The following LPP variants were observed in gnomAD, a reference collection of about 807,000 sequenced individuals.
LPP encodes the protein lipoma-preferred partner.
LPP carries 38 observed loss-of-function variants against 60.4 expected under a neutral mutation model. The observed-to-expected ratio is 0.63, with a 90% CI of 0.49 to 0.83. The LOEUF is 0.83. LPP is among the 40% of genes least tolerant of loss of function. The pLI, the probability that LPP is intolerant of heterozygous loss-of-function variation, is 0.00. For synonymous variants in LPP, 328 were observed against 290.8 expected, an observed-to-expected ratio of 1.13 and a Z score of -1.30; for missense variants, 902 against 783.6, an observed-to-expected ratio of 1.15 and a Z score of -1.80.
intron 3 of LPP, among the ~76,000 whole-genome samples, chr3:188,378,689 G>A (rs1042971425): frequency 2.0e-4 from 30 of 152,198 alleles, no homozygotes; most frequent in Admixed American, 1.4e-3. Flanking sequence ...ACCCTGCTTC[G>A]GCTCGTGCAC....
At chr3:188,535,430 C>A (rs1471597828) in intron 6 of LPP, among the ~76,000 whole-genome samples, 1 of 152,238 alleles carries the variant, frequency 6.6e-6, no homozygotes, top group South Asian at 2.1e-4. Flanking sequence ...GAGAGGCATA[C>A]AAATTTATTT....
At chr3:188,478,125 T>C (rs58396308) in intron 4 of LPP, among the ~76,000 whole-genome samples, 1 of 152,338 alleles carries the variant, frequency 6.6e-6, no homozygotes, top group African/African-American at 2.4e-5. Context: ...CTTTGTTTTA[T>C]CCTCTCACTT....
chr3:188,304,708 A>G (rs1015242875), intron 2 of LPP, among the ~76,000 whole-genome samples: 1 of 152,142 alleles, frequency 6.6e-6, no homozygotes, highest in African/African-American at 2.4e-5. Flanking sequence ...AAATATCTTG[A>G]GCATCTTTTC....
At chr3:188,782,116 A>C (rs548702503) in intron 9 of LPP, among the ~76,000 whole-genome samples, 123 of 152,276 alleles carry the variant, frequency 8.1e-4, no homozygotes, top group Non-Finnish European at 1.5e-3. Flanking sequence ...TTCTTGAAAG[A>C]GTATCATAGT....
At chr3:188,592,132 C>T (rs947221289) in intron 6 of LPP, among the ~76,000 whole-genome samples, 1 of 152,106 alleles carries the variant, frequency 6.6e-6, no homozygotes, top group African/African-American at 2.4e-5. Context: ...TTTGATTTTG[C>T]AACTAAATAT....
At chr3:188,589,045 C>T (rs886689219) in intron 6 of LPP, among the ~76,000 whole-genome samples, 17 of 152,074 alleles carry the variant, frequency 1.1e-4, no homozygotes, top group African/African-American at 3.9e-4. Flanking sequence ...TGATAAATTT[C>T]TCCCTACTAC....
At chr3:188,766,134 G>A (rs1734038520) in intron 9 of LPP, among the ~76,000 whole-genome samples, 2 of 151,728 alleles carry the variant, frequency 1.3e-5, no homozygotes, top group South Asian at 4.2e-4. Flanking sequence ...GCCTCCCAAA[G>A]TGCTTGGATT....
intron 1 of LPP, among the ~76,000 whole-genome samples, chr3:188,200,218 A>G (rs1380365741): frequency 6.6e-6 from 1 of 152,022 alleles, no homozygotes; most frequent in African/African-American, 2.4e-5. Context: ...AAAGTTATTG[A>G]AAAGACTGGA....
intron 6 of LPP, among the ~76,000 whole-genome samples, chr3:188,604,969 G>A (rs1056446687): frequency 6.6e-6 from 1 of 152,110 alleles, no homozygotes; most frequent in African/African-American, 2.4e-5. Flanking sequence ...CAATGGAGAA[G>A]TGCATTGGTG....
chr3:188,378,791 T>C (rs1379990545), intron 3 of LPP, among the ~76,000 whole-genome samples: 3 of 152,192 alleles, frequency 2.0e-5, no homozygotes, highest in African/African-American at 7.2e-5. Context: ...AAATCACCCA[T>C]CTTCTGCGTC....
At chr3:188,159,382 G>C (rs1021311848) in intron 1 of LPP, among the ~76,000 whole-genome samples, 1 of 152,164 alleles carries the variant, frequency 6.6e-6, no homozygotes, top group Non-Finnish European at 1.5e-5. Context: ...TGTGTTGTGA[G>C]AGGAGACAGA....
intron 2 of LPP, among the ~76,000 whole-genome samples, chr3:188,257,629 T>C (rs1415372100): frequency 1.3e-5 from 2 of 152,216 alleles, no homozygotes; most frequent in African/African-American, 4.8e-5. Flanking sequence ...TTGTTCTCAG[T>C]TCATAGTTTG....
At chr3:188,413,702 A>C (rs976558575) in intron 4 of LPP, among the ~76,000 whole-genome samples, 11 of 152,146 alleles carry the variant, frequency 7.2e-5, no homozygotes, top group Non-Finnish European at 1.3e-4. Context: ...TTAACTTGTA[A>C]TTCTTGGAGT....
intron 9 of LPP, among the ~76,000 whole-genome samples, chr3:188,801,625 A>T (rs1458852672): frequency 6.6e-6 from 1 of 152,198 alleles, no homozygotes; most frequent in Non-Finnish European, 1.5e-5. Context: ...GTAGACACTC[A>T]GCTAGTTAGT....
At chr3:188,371,090 C>T (rs926571998) in intron 3 of LPP, among the ~76,000 whole-genome samples, 8 of 152,126 alleles carry the variant, frequency 5.3e-5, no homozygotes, top group Middle Eastern at 3.4e-3. Context: ...CTTCAATTTC[C>T]GACTTTGCCT....
At chr3:188,745,823 T>G (rs539713228) in intron 8 of LPP, among the ~76,000 whole-genome samples, 2 of 152,170 alleles carry the variant, frequency 1.3e-5, no homozygotes, top group East Asian at 3.9e-4. Context: ...ACTGTGGAGT[T>G]CTTTGGAGCA....
At chr3:188,240,866 A>G (rs542429747) in intron 2 of LPP, among the ~76,000 whole-genome samples, 2 of 152,172 alleles carry the variant, frequency 1.3e-5, no homozygotes, top group Non-Finnish European at 2.9e-5. Flanking sequence ...CCTATTGGCT[A>G]TATTAAAGTA....
chr3:188,576,220 C>G (rs141137995), intron 6 of LPP, among the ~76,000 whole-genome samples: 237 of 152,216 alleles, frequency 1.6e-3, no homozygotes, highest in Middle Eastern at 6.8e-3. Flanking sequence ...TTAGTTCAAA[C>G]CAATTGGTGC....
intron 9 of LPP, among the ~76,000 whole-genome samples, chr3:188,763,251 C>CT (rs547373113): frequency 0.23 from 32,340 of 141,520 alleles, 3,759 homozygotes; most frequent in Middle Eastern, 0.3. Flanking sequence ...GTGTGCCTGT[C>CT]TTTTTTTTTT....
Sources: allele counts gnomAD v4.1 joint callset (sites outside exome capture counted in the v4.1 genomes callset), GRCh38; gene constraint gnomAD v4.1.1; transcripts MANE v1.5; gene names NCBI Gene and HGNC (gene_info 2026-07-23, HGNC 2026-07-21).